The following R3HDM2 variants were observed in gnomAD, a reference collection of about 807,000 sequenced individuals.
R3HDM2 encodes the protein R3H domain-containing protein 2.
R3HDM2 carries 38 observed loss-of-function variants against 124.5 expected under a neutral mutation model. The ratio of observed to expected loss-of-function variants is 0.31; its 90% CI spans 0.24 to 0.40. R3HDM2 has a LOEUF of 0.40. R3HDM2 is among the 10% of genes least tolerant of loss of function. The pLI, the probability that R3HDM2 is intolerant of heterozygous loss-of-function variation, is 1.00. For missense variants in R3HDM2, 869 were observed against 1,236.9 expected (o/e 0.70, Z 4.46); for synonymous variants, 391 against 448.0 (o/e 0.87, Z 1.61).
At chr12:57,285,065 A>G (rs2047021891) in intron 12 of R3HDM2, among the ~76,000 whole-genome samples, 1 of 152,184 alleles carries the variant, frequency 6.6e-6, no homozygotes, top group Non-Finnish European at 1.5e-5. Flanking sequence ...AATGACAACA[A>G]TTACAAAGAT....
chr12:57,357,220 G>A (rs2137431492), intron 2 of R3HDM2, among the ~76,000 whole-genome samples: 1 of 152,266 alleles, frequency 6.6e-6, no homozygotes. Context: ...CACTTTGGGA[G>A]GCCGAGGCAG....
intron 2 of R3HDM2, among the ~76,000 whole-genome samples, chr12:57,345,156 G>GGA (rs143969609): frequency 0.056 from 8,301 of 149,398 alleles, 630 homozygotes; most frequent in African/African-American, 0.18. Context: ...CTTATTGGGG[G>GGA]AAAAAAAAAC....
chr12:57,300,223 CTT>C, intron 4 of R3HDM2, 42 bp from the exon 5 acceptor site: 1 of 1,464,360 alleles, frequency 6.8e-7, no homozygotes, highest in African/African-American at 1.4e-5. Flanking sequence ...TTTAATGTAT[CTT>C]ATATATTTCT....
rs1232671097 is a variant in R3HDM2, at chr12:57,269,844, G to C, written c.1495C>G (p.Pro499Ala). Residue 499 changes from proline to alanine, a missense_variant, in exon 15 of 24, where the codon CCC becomes GCC. Transcript: ENST00000402412. ...GTGGAATAGTTGGAAGTGGGGAGGG[G>C]CTGACCCGTGGAAGCCATGATGAAG... is the stretch of plus-strand genomic sequence containing the variant. The part of the protein sequence containing the change: ...TSFIMASTGQ[P>A]LPTSNYSTSS... The C allele has an allele frequency of 2.5e-6, 4 of 1,614,024 alleles. No homozygotes were observed. The South Asian group carries it at 3.3e-5, about 13-fold the overall frequency.
At chr12:57,343,784 A>C (rs1002100812) in intron 2 of R3HDM2, among the ~76,000 whole-genome samples, 34 of 143,416 alleles carry the variant, frequency 2.4e-4, no homozygotes, top group African/African-American at 8.0e-4. Context: ...AAAAAAAAAA[A>C]AACAGGTTCT....
At chr12:57,354,935 C>G (rs2061094014) in intron 2 of R3HDM2, among the ~76,000 whole-genome samples, 1 of 151,818 alleles carries the variant, frequency 6.6e-6, no homozygotes, top group Non-Finnish European at 1.5e-5. Flanking sequence ...AGCGATTCTC[C>G]CACCTCAGCC....
At position 57,269,911 on chromosome 12, in the gene R3HDM2, T is replaced by C. The variant is rs2043212948; in HGVS notation, c.1428A>G (p.Leu476=). 5 of 1,614,018 alleles carry C rather than the reference T, an allele frequency of 3.1e-6. No individual in the cohort carries two copies. The highest frequency in any genetic ancestry group is 4.2e-6 in the Non-Finnish European group (5 of 1,180,022). ...STEAADPSAA[L]FQTPLISQHP... Reference sequence around the variant, plus strand: ...GCTGGGAGATAAGTGGGGTCTGGAATAGAGCTGCAGATGGGTCAGCTGCTT... The same window carrying C: ...GCTGGGAGATAAGTGGGGTCTGGAACAGAGCTGCAGATGGGTCAGCTGCTT... The change falls in exon 15 of 24, where the codon CTA becomes CTG. Residue 476 remains leucine, a synonymous_variant. Coordinates refer to ENST00000402412, the MANE Select transcript of R3HDM2 (RefSeq NM_001394031.1).
At position 57,297,033 on chromosome 12, in the gene R3HDM2, G is replaced by A. The variant is rs188746797; in HGVS notation, c.560+295C>T. ...TGTACCACGGCGCTCCAGCCTAGGCGACAAAGAAAGACTGTCTCAAAAAAA... is the reference window on the plus strand; with the variant it reads ...TGTACCACGGCGCTCCAGCCTAGGCAACAAAGAAAGACTGTCTCAAAAAAA... On this transcript the variant is annotated intron_variant, in intron 8 of 23. Coordinates refer to ENST00000402412, the MANE Select transcript of R3HDM2 (RefSeq NM_001394031.1). 492 of 279,442 alleles carry A rather than the reference G, an allele frequency of 1.8e-3. 2 individuals carry two copies. Among genetic ancestry groups the A allele is most frequent in the African/African-American group, 7.1e-3 (317 of 44,594 alleles). The allele number at this position is 279,442 out of a possible 1,614,324, so 17.3% of individuals were successfully genotyped here.
At chr12:57,267,263 A>G (rs2042652500) in intron 18 of R3HDM2, among the ~76,000 whole-genome samples, 1 of 151,050 alleles carries the variant, frequency 6.6e-6, no homozygotes, top group African/African-American at 2.4e-5. Flanking sequence ...TTTTTGGCCT[A>G]AAAAAAAAGT....
At chr12:57,430,480 C>CA in intron 1 of R3HDM2, 1 of 935,032 alleles carries the variant, frequency 1.1e-6, no homozygotes, top group Non-Finnish European at 1.3e-6. Context: ...CAGGTGGCGC[C>CA]ACCCCCCTGC....
At chr12:57,404,050 A>T (rs1052114848) in intron 1 of R3HDM2, among the ~76,000 whole-genome samples, 16 of 140,656 alleles carry the variant, frequency 1.1e-4, no homozygotes, top group East Asian at 6.4e-4. Context: ...TAAAATAAAA[A>T]AAGTCCACTC....
chr12:57,304,501 C>T, intron 3 of R3HDM2: 1 of 983,998 alleles, frequency 1.0e-6, no homozygotes, highest in South Asian at 4.7e-5. Flanking sequence ...GTGAGGATTT[C>T]TCTTTTCTTG....
intron 2 of R3HDM2, among the ~76,000 whole-genome samples, chr12:57,376,843 T>C (rs1050551402): frequency 4.6e-5 from 7 of 151,470 alleles, no homozygotes; most frequent in African/African-American, 1.7e-4. Flanking sequence ...CCCAGCTACT[T>C]GGGAGGCTGA....
At chr12:57,316,904 G>A (rs537283051) in intron 2 of R3HDM2, among the ~76,000 whole-genome samples, 2 of 151,878 alleles carry the variant, frequency 1.3e-5, no homozygotes, top group South Asian at 2.1e-4. Context: ...GTGCCACCAC[G>A]TTCAGCTAAT....
intron 19 of R3HDM2, among the ~76,000 whole-genome samples, chr12:57,259,686 C>T (rs996236087): frequency 2.6e-5 from 4 of 152,184 alleles, no homozygotes; most frequent in African/African-American, 9.7e-5. Context: ...AGATGAGACA[C>T]GTTTATTTAA....
At chr12:57,414,097 C>T (rs1350006536) in intron 1 of R3HDM2, among the ~76,000 whole-genome samples, 1 of 151,438 alleles carries the variant, frequency 6.6e-6, no homozygotes, top group African/African-American at 2.4e-5. Context: ...GATCCACCCA[C>T]CTCAGCCTCC....
intron 4 of R3HDM2, among the ~76,000 whole-genome samples, chr12:57,301,208 T>C (rs1331219580): frequency 6.6e-6 from 1 of 152,192 alleles, no homozygotes; most frequent in Non-Finnish European, 1.5e-5. Flanking sequence ...CTGCCCGCTT[T>C]ACTTCTGCTA....
chr12:57,413,553 T>G (rs1363649129), intron 1 of R3HDM2, among the ~76,000 whole-genome samples: 1 of 150,670 alleles, frequency 6.6e-6, no homozygotes, highest in Non-Finnish European at 1.5e-5. Flanking sequence ...CTGACCAACA[T>G]GGTGAAACCC....
intron 3 of R3HDM2, among the ~76,000 whole-genome samples, chr12:57,307,019 CA>C (rs982993073): frequency 1.3e-5 from 2 of 149,968 alleles, no homozygotes; most frequent in Admixed American, 6.6e-5. Context: ...CATTTCAAAA[CA>C]AAAAAAAAGG....
Sources: allele counts gnomAD v4.1 joint callset (sites outside exome capture counted in the v4.1 genomes callset), GRCh38; gene constraint gnomAD v4.1.1; transcripts MANE v1.5; gene names NCBI Gene and HGNC (gene_info 2026-07-23, HGNC 2026-07-21).